Variants in ARHGAP1 observed in about 807,000 individuals in gnomAD.
The protein encoded by ARHGAP1 is rho GTPase-activating protein 1.
A neutral mutation model predicts 52.2 loss-of-function variants in ARHGAP1; 23 were observed. The observed-to-expected ratio is 0.44, with a 90% confidence interval of 0.32 to 0.62. ARHGAP1 has a LOEUF of 0.62. Among genes scored for constraint, ARHGAP1 ranks in the 20% least tolerant of loss-of-function variants. The pLI, the probability that ARHGAP1 is intolerant of heterozygous loss-of-function variation, is 0.05. For missense variants in ARHGAP1, 480 were observed against 560.9 expected, an observed-to-expected ratio of 0.86 and a Z score of 1.46; for synonymous variants, 210 against 228.4, an observed-to-expected ratio of 0.92 and a Z score of 0.73.
rs2064500738 is a variant in ARHGAP1, at chr11:46,678,828, G to A, written c.*209C>T. The A allele has an allele frequency of 1.7e-6, 1 of 597,436 alleles. No homozygotes were observed. Among genetic ancestry groups the A allele is most frequent in the Admixed American group, 3.1e-5 (1 of 32,240 alleles). The allele number at this position is 597,436 out of a possible 1,614,324, so 37.0% of individuals were successfully genotyped here. A position where few individuals can be genotyped will look rare whatever the true frequency, so the allele number is the denominator to read the frequency against. On this transcript the variant is annotated 3_prime_UTR_variant, in exon 13 of 13. Transcript: ENST00000311956. Reference sequence around the variant, plus strand: ...CCAGCAAAAGCCCGGTGTCCAGAGAGGCAGTGAGAAGTGTAAGGCAGAGAA... The same window carrying A: ...CCAGCAAAAGCCCGGTGTCCAGAGAAGCAGTGAGAAGTGTAAGGCAGAGAA...
chr11:46,695,972 C>T lies in ARHGAP1; in HGVS notation c.133+3G>A. ...AGCTGCCTGAGACCAGACACAAGCC[C>T]ACCTGACTTGGGGAAGTCAGGCATT... is the stretch of plus-strand genomic sequence containing the variant. On this transcript the variant is annotated splice_donor_region_variant and intron_variant, in intron 2 of 12. Transcript: ENST00000311956. 1.2e-6 allele frequency: 2 copies of T among 1,614,196 alleles called. No homozygotes were observed. Among genetic ancestry groups the T allele is most frequent in the Middle Eastern group, 1.6e-4 (1 of 6,062 alleles).
chr11:46,678,257 G>C lies in ARHGAP1; in HGVS notation c.*780C>G, dbSNP rs2064496122. 5.6e-6 allele frequency: 1 copy of C among 179,928 alleles called. No homozygotes were observed. The highest frequency in any genetic ancestry group is 5.9e-5 in the Admixed American group (1 of 17,044). 11.1% of individuals were successfully genotyped at this position (179,928 alleles called of 1,614,324 possible). On this transcript the variant is annotated 3_prime_UTR_variant, in exon 13 of 13. Transcript: ENST00000311956. ...GGAGAGGCTAACCTGGCCGGTCACTGATTCCATCACACGCTGTAGCTCTCG... is the reference window on the plus strand; with the variant it reads ...GGAGAGGCTAACCTGGCCGGTCACTCATTCCATCACACGCTGTAGCTCTCG...
At chr11:46,698,418 A>G (rs1175584310) in intron 1 of ARHGAP1, among the ~76,000 whole-genome samples, 1 of 151,756 alleles carries the variant, frequency 6.6e-6, no homozygotes, top group African/African-American at 2.4e-5. Flanking sequence ...CCTTGCCAAC[A>G]TGGTGAAACC....
chr11:46,682,100 T>G lies in ARHGAP1; in HGVS notation c.400A>C (p.Lys134Gln). Residue 134 changes from lysine (K) to glutamine (Q), a missense_variant, in exon 5 of 13, where the codon AAG becomes CAG. Coordinates refer to ENST00000311956, the MANE Select transcript of ARHGAP1 (RefSeq NM_004308.5). ...YLHHGLTSDN[K>Q]PSLSWLRDAY... ...TCACGGAGCCAGCTGAGGGAGGGCT[T>G]GTTGTCGCTGGTCAGGCCGTGGTGC... 1 of 1,614,054 alleles carries G rather than the reference T, an allele frequency of 6.2e-7. No homozygotes were observed. Among genetic ancestry groups the G allele is most frequent in the Non-Finnish European group, 8.5e-7 (1 of 1,179,964 alleles).
In ARHGAP1 at chr11:46,682,197, C is replaced by A; in HGVS notation, c.318-15G>T. On this transcript the variant is annotated splice_polypyrimidine_tract_variant and intron_variant, in intron 4 of 12. Transcript: ENST00000311956. ...GCTTCAGGTACCTTCCAGGGAAAAG[C>A]CCTGCTCAGGCCTGCCCTGTGCACA... is the stretch of plus-strand genomic sequence containing the variant. The A allele has an allele frequency of 6.2e-7, 1 of 1,613,814 alleles. No individual in the cohort carries two copies. The highest frequency in any genetic ancestry group is 8.5e-7 in the Non-Finnish European group (1 of 1,179,800).
Position 46,680,646 on chromosome 11 carries a change from A to G in ARHGAP1, c.737T>C (p.Leu246Pro). The G allele has an allele frequency of 6.2e-7, 1 of 1,612,744 alleles. No individual in the cohort carries two copies. The highest frequency in any genetic ancestry group is 1.1e-5 in the South Asian group (1 of 91,050). ...AGCCACCTTTCATACTTACTGCTGC[A>G]GCGAGACTCCAAACTGCTGGTTGGG... ...PLPNQQFGVS[L>P]QHLQEKNPEQ... Residue 246 changes from leucine (L) to proline (P), a missense_variant, in exon 8 of 13, where the codon CTG becomes CCG. Physicochemically the swap from Leu to Pro is moderately conservative, Grantham distance 98. Coordinates refer to ENST00000311956, the MANE Select transcript of ARHGAP1 (RefSeq NM_004308.5). The surrounding 1 kb of genome is among the most constrained non-coding windows in gnomAD (Gnocchi z 5.9).
At position 46,688,192 on chromosome 11, in the gene ARHGAP1, C is replaced by T. The variant is rs537320455; in HGVS notation, c.298G>A (p.Asp100Asn). 90 of 1,613,750 alleles carry T rather than the reference C, an allele frequency of 5.6e-5. 1 individual carries two copies. The highest frequency in any genetic ancestry group is 1.4e-4 in the South Asian group (13 of 90,950). ...ACTCACCCCAGGAGCTTGCTGTGGT[C>T]GAGCTGGTGGCTGGGGGGCATTCGA... ...ACRMPPSHQLDHSKLLGYLKH... is the reference protein window; with the variant it reads ...ACRMPPSHQLNHSKLLGYLKH... The change falls in exon 4 of 13, where the codon GAC becomes AAC. Residue 100 changes from aspartate (D) to asparagine (N), a missense_variant. Coordinates refer to ENST00000311956, the MANE Select transcript of ARHGAP1 (RefSeq NM_004308.5).
At position 46,696,854 on chromosome 11, in the gene ARHGAP1, G is replaced by A. The variant is rs2064658779; in HGVS notation, c.-49-698C>T. 6.6e-6 allele frequency among the ~76,000 whole-genome samples: 1 copy of A among 152,078 alleles called. No individual in the cohort carries two copies. Among genetic ancestry groups the A allele is most frequent in the African/African-American group, 2.4e-5 (1 of 41,404 alleles). On this transcript the variant is annotated intron_variant, in intron 1 of 12. Coordinates refer to ENST00000311956, the MANE Select transcript of ARHGAP1 (RefSeq NM_004308.5). This position sits in a 1 kb window ranked among gnomAD's most constrained non-coding sequence, Gnocchi z 4.8. ...ATTGCACTTCCAGCCTAGGCGACAG[G>A]GCAAGACTCCATCCCAAAAAAATAA... is the stretch of plus-strand genomic sequence containing the variant.
rs141699693 is a variant in ARHGAP1, at chr11:46,689,230, C to T, written c.230-970G>A. 6.3e-3 allele frequency among the ~76,000 whole-genome samples: 956 copies of T among 152,176 alleles called. 13 individuals are homozygous for T. Among genetic ancestry groups the T allele is most frequent in the African/African-American group, 0.022 (913 of 41,500 alleles). ...ACATGCTACAATGTGGATGAACCTC[C>T]GAAACATTATGCCAAGTGAAAGCCA... On this transcript the variant is annotated intron_variant, in intron 3 of 12. Coordinates refer to ENST00000311956, the MANE Select transcript of ARHGAP1 (RefSeq NM_004308.5).
rs150447910 is a variant in ARHGAP1 at position 46,700,195 on chromosome 11, T to C, written c.-50+356A>G. ...AAGTTGAACTGAAAGCGTGGCCTAA[T>C]AAGTGGCAAGGAGGAACACTTCCCC... On this transcript the variant is annotated intron_variant, in intron 1 of 12. Transcript: ENST00000311956. Among the ~76,000 whole-genome samples the C allele has an allele frequency of 4.7e-3, 712 of 152,260 alleles. 3 individuals are homozygous for C. The highest frequency in any genetic ancestry group is 0.016 in the African/African-American group (685 of 41,552).
chr11:46,694,309 C>A (rs1436544062), intron 3 of ARHGAP1, among the ~76,000 whole-genome samples: 1 of 152,082 alleles, frequency 6.6e-6, no homozygotes, highest in Non-Finnish European at 1.5e-5. Flanking sequence ...CAACTCCCAG[C>A]TCCCCAGGGT....
At chr11:46,697,772 A>T (rs2064667091) in intron 1 of ARHGAP1, among the ~76,000 whole-genome samples, 1 of 152,178 alleles carries the variant, frequency 6.6e-6, no homozygotes. Context: ...CTTCCCAAGA[A>T]CACAGAGAAG....
chr11:46,692,307 TGCCTACCTCCTTCTAA>T (rs1367506975), intron 3 of ARHGAP1, among the ~76,000 whole-genome samples: 1 of 152,234 alleles, frequency 6.6e-6, no homozygotes, highest in Non-Finnish European at 1.5e-5. Flanking sequence ...GGGCCTCATC[TGCCTACCTCCTTCTAA>T]GCGAGGAAAT....
intron 3 of ARHGAP1, among the ~76,000 whole-genome samples, chr11:46,691,975 G>T (rs181991037): frequency 3.3e-5 from 5 of 152,344 alleles, no homozygotes; most frequent in African/African-American, 1.2e-4. Context: ...AACGTCTCCA[G>T]ATTTGCAAGT....
chr11:46,688,321 G>T (rs548753932), intron 3 of ARHGAP1, 61 bp from the exon 4 acceptor site: 2 of 1,489,004 alleles, frequency 1.3e-6, no homozygotes, highest in Admixed American at 1.9e-5. Context: ...AGTGGGGTGA[G>T]GAACTTAAAG....
rs1325784384 is a variant in ARHGAP1 at position 46,677,747 on chromosome 11, C to T, written c.*1290G>A. The T allele has an allele frequency of 2.4e-5, 7 of 288,794 alleles. 1 individual carries two copies. The highest frequency in any genetic ancestry group is 1.1e-4 in the South Asian group (4 of 38,042). The allele number at this position is 288,794 out of a possible 1,614,324, so 17.9% of individuals were successfully genotyped here. On this transcript the variant is annotated 3_prime_UTR_variant, in exon 13 of 13. Transcript: ENST00000311956. Reference sequence around the variant, plus strand: ...TGGGTGGATCATGAGGTCAGGAGATCGAGACCATCCTGGCCAACATGGTGA... The same window carrying T: ...TGGGTGGATCATGAGGTCAGGAGATTGAGACCATCCTGGCCAACATGGTGA...
chr11:46,677,157 G>C lies in ARHGAP1; in HGVS notation c.*1880C>G, dbSNP rs2064483052. The C allele has an allele frequency of 1.3e-5, 2 of 152,644 alleles. No homozygotes were observed. Among genetic ancestry groups the C allele is most frequent in the African/African-American group, 2.4e-5 (1 of 41,454 alleles). The allele number at this position is 152,644 out of a possible 1,614,324, so 9.5% of individuals were successfully genotyped here. A position where few individuals can be genotyped will look rare whatever the true frequency, so the allele number is the denominator to read the frequency against. ...TGATTGGTGCCAAGGAAGTCATTAA[G>C]TGTGAATGTGAACACTGGATTCACA... On this transcript the variant is annotated 3_prime_UTR_variant, in exon 13 of 13. Coordinates refer to ENST00000311956, the MANE Select transcript of ARHGAP1 (RefSeq NM_004308.5).
At chr11:46,699,698 G>GT (rs2064685683) in intron 1 of ARHGAP1, among the ~76,000 whole-genome samples, 1 of 149,534 alleles carries the variant, frequency 6.7e-6, no homozygotes, top group African/African-American at 2.5e-5. Flanking sequence ...GTGAGACTCC[G>GT]TCTAAAAAAA....
rs545993068 is a variant in ARHGAP1 at position 46,681,776 on chromosome 11, G to A, written c.449+275C>T. Among the ~76,000 whole-genome samples the A allele has an allele frequency of 1.3e-5, 2 of 152,284 alleles. No homozygotes were observed. Among genetic ancestry groups the A allele is most frequent in the South Asian group, 2.1e-4 (1 of 4,828 alleles). ...ATTTGAACATGCATGGCCAGCATGC[G>A]AGGTAAGGGCCATCACTGTCTCATT... On this transcript the variant is annotated intron_variant, in intron 5 of 12. Transcript: ENST00000311956. The surrounding 1 kb of genome is among the most constrained non-coding windows in gnomAD (Gnocchi z 5.7).
Sources: allele counts gnomAD v4.1 joint callset (sites outside exome capture counted in the v4.1 genomes callset), GRCh38; gene constraint gnomAD v4.1.1; non-coding constraint Gnocchi (gnomAD v3.1); transcripts MANE v1.5; gene names NCBI Gene and HGNC (gene_info 2026-07-23, HGNC 2026-07-21).